Variants in PPIL2 observed in about 807,000 individuals in gnomAD.
PPIL2 encodes RING-type E3 ubiquitin-protein ligase PPIL2.
Under a neutral mutation model 75.2 loss-of-function variants are expected in PPIL2, and 50 were observed. The observed-to-expected ratio is 0.66, with a 90% CI of 0.53 to 0.84. The LOEUF (loss-of-function observed/expected upper bound fraction) is 0.84. Ranked by LOEUF, PPIL2 falls within the 40% of genes least tolerant of loss-of-function variation. PPIL2 has a pLI of 0.00. For missense variants in PPIL2, 590 were observed against 685.0 expected (o/e 0.86, Z 1.55); for synonymous variants, 245 against 258.8 (o/e 0.95, Z 0.51).
intron 10 of PPIL2, among the ~76,000 whole-genome samples, chr22:21,686,269 T>C (rs146509030): frequency 5.9e-5 from 9 of 152,328 alleles, no homozygotes; most frequent in African/African-American, 2.2e-4. Flanking sequence ...CCTGATATCA[T>C]AAGAGTCGGG....
rs985768154 is a variant in PPIL2, at chr22:21,694,639, A to G, written c.1243A>G (p.Ser415Gly). Residue 415 changes from serine to glycine, a missense_variant, in exon 17 of 20, where the codon AGT becomes GGT. Transcript: ENST00000398831. ...DVLTAMENVE[S>G]DPKTDRPKEE... ...ACTGACAGCCATGGAGAATGTGGAG[A>G]GTGACCCCAAAACTGACCGCCCTAA... 3 of 1,613,982 alleles carry G rather than the reference A, an allele frequency of 1.9e-6. No homozygotes were observed. Among genetic ancestry groups the G allele is most frequent in the African/African-American group, 2.7e-5 (2 of 74,936 alleles).
chr22:21,669,476 TG>T (rs2066540572), intron 1 of PPIL2: 1 of 386,988 alleles, frequency 2.6e-6, no homozygotes, highest in Non-Finnish European at 5.2e-6. Flanking sequence ...TATCACTGTG[TG>T]GCTGACATAT....
rs79237378 is a variant in PPIL2 at position 21,689,826 on chromosome 22, A to T, written c.1139+977A>T. 7.1e-3 allele frequency among the ~76,000 whole-genome samples: 1,077 copies of T among 152,292 alleles called. 9 individuals are homozygous for T. Among genetic ancestry groups the T allele is most frequent in the African/African-American group, 0.025 (1,022 of 41,546 alleles). The stretch of plus-strand genomic sequence containing the variant: ...ACTTTTTAGAGGTTTCTTTGTTAGC[A>T]TCTACTATGATGATTCTGTCCTTTT... On this transcript the variant is annotated intron_variant, in intron 15 of 19. Transcript: ENST00000398831.
At chr22:21,668,911 CTG>C (rs1010432047) in intron 1 of PPIL2, among the ~76,000 whole-genome samples, 1 of 151,768 alleles carries the variant, frequency 6.6e-6, no homozygotes, top group Non-Finnish European at 1.5e-5. Context: ...CGGGGTTTCA[CTG>C]TGTTAGCCAG....
At chr22:21,694,057 T>G (rs1251632879) in intron 16 of PPIL2, among the ~76,000 whole-genome samples, 185 bp downstream of exon 16, 1 of 152,096 alleles carries the variant, frequency 6.6e-6, no homozygotes, top group Non-Finnish European at 1.5e-5. Context: ...GAAGTCTGGC[T>G]CTCTAGACCC....
chr22:21,696,115 C>G lies in PPIL2; in HGVS notation c.*625C>G. On this transcript the variant is annotated 3_prime_UTR_variant, in exon 20 of 20. Transcript: ENST00000398831. ...TTTTCAGACCCCAGACTTACTGAGCCTAAGCCTCTGCAGGGTGGGCTTCTC... is the reference window on the plus strand; with the variant it reads ...TTTTCAGACCCCAGACTTACTGAGCGTAAGCCTCTGCAGGGTGGGCTTCTC... 1 of 990,194 alleles carries G rather than the reference C, an allele frequency of 1.0e-6. No individual in the cohort carries two copies. Among genetic ancestry groups the G allele is most frequent in the South Asian group, 4.4e-5 (1 of 22,830 alleles). The allele number at this position is 990,194 out of a possible 1,614,324, so 61.3% of individuals were successfully genotyped here. A position where few individuals can be genotyped will look rare whatever the true frequency, so the allele number is the denominator to read the frequency against.
At chr22:21,667,910 G>A (rs998450743) in intron 1 of PPIL2, among the ~76,000 whole-genome samples, 3 of 151,348 alleles carry the variant, frequency 2.0e-5, no homozygotes, top group Non-Finnish European at 4.4e-5. Context: ...CCAGTAGCTG[G>A]GATTATAGGT....
chr22:21,687,033 A>C, intron 12 of PPIL2, 35 bp downstream of exon 12: 2 of 1,566,710 alleles, frequency 1.3e-6, no homozygotes, highest in East Asian at 2.2e-5. Flanking sequence ...CCATGCCCCA[A>C]GGTCATCTCT....
chr22:21,685,049 G>A (rs1189968568), intron 10 of PPIL2, 136 bp downstream of exon 10: 2 of 1,246,588 alleles, frequency 1.6e-6, no homozygotes, highest in Non-Finnish European at 2.2e-6. Context: ...ATCCCCCAGA[G>A]CTGTGGTGCC....
chr22:21,694,211 C>T (rs76990693), intron 16 of PPIL2, among the ~76,000 whole-genome samples: 1,544 of 152,242 alleles, frequency 0.01, 22 homozygotes, highest in African/African-American at 0.036. Flanking sequence ...TTGTGGGCCA[C>T]GTGGTCTCTG....
intron 6 of PPIL2, among the ~76,000 whole-genome samples, chr22:21,679,284 C>G (rs1044297281): frequency 6.6e-6 from 1 of 151,842 alleles, no homozygotes; most frequent in Non-Finnish European, 1.5e-5. Flanking sequence ...TCAAGTGATC[C>G]TCCCGCGTCA....
chr22:21,687,546 A>T, intron 12 of PPIL2, 97 bp from the exon 13 acceptor site: 2 of 680,512 alleles, frequency 2.9e-6, no homozygotes, highest in South Asian at 1.8e-5. Flanking sequence ...GCAAGACTCC[A>T]CCTCAAAAAA....
chr22:21,685,825 G>A (rs1440563652), intron 10 of PPIL2: 2 of 356,534 alleles, frequency 5.6e-6, no homozygotes, highest in Middle Eastern at 3.8e-4. Flanking sequence ...GCTTTTCCCC[G>A]ACCCCTGATT....
intron 5 of PPIL2, among the ~76,000 whole-genome samples, chr22:21,674,318 C>T (rs1203449925): frequency 6.6e-6 from 1 of 152,170 alleles, no homozygotes; most frequent in Non-Finnish European, 1.5e-5. Flanking sequence ...AGCTGTACTG[C>T]AGACACACCA....
intron 6 of PPIL2, among the ~76,000 whole-genome samples, chr22:21,677,532 C>T (rs1479822706): frequency 6.6e-6 from 1 of 152,184 alleles, no homozygotes; most frequent in African/African-American, 2.4e-5. Context: ...CCGTCTCCAC[C>T]CAAAAAATAC....
At chr22:21,670,055 G>C (rs2066571912) in intron 2 of PPIL2, 93 bp downstream of exon 2, 1 of 1,323,164 alleles carries the variant, frequency 7.6e-7, no homozygotes, top group African/African-American at 1.4e-5. Flanking sequence ...TAGACAACAA[G>C]AACACGGAAA....
At chr22:21,666,816 A>G (rs922791978) in intron 1 of PPIL2, among the ~76,000 whole-genome samples, 1 of 152,122 alleles carries the variant, frequency 6.6e-6, no homozygotes, top group African/African-American at 2.4e-5. Context: ...CTCAAAAATA[A>G]TAAATAAAAT....
rs2148487808 is a variant in PPIL2, at chr22:21,666,032, G to C, written c.-68G>C. ...CCGGAAGTGGTCACGGAACTCGGCT[G>C]CGGCTCCATGGTCTGAGTTGTCAGC... On this transcript the variant is annotated 5_prime_UTR_variant, in exon 1 of 20. Coordinates refer to ENST00000398831, the MANE Select transcript of PPIL2 (RefSeq NM_014337.4). 7 of 1,565,032 alleles carry C rather than the reference G, an allele frequency of 4.5e-6. No individual in the cohort carries two copies. Among genetic ancestry groups the C allele is most frequent in the Non-Finnish European group, 6.1e-6 (7 of 1,148,602 alleles).
rs944930292 is a variant in PPIL2 at position 21,696,988 on chromosome 22, C to T, written c.*1498C>T. On this transcript the variant is annotated 3_prime_UTR_variant, in exon 20 of 20. Coordinates refer to ENST00000398831, the MANE Select transcript of PPIL2 (RefSeq NM_014337.4). ...AGAACAAGAACTGCGCCATGGCTGG[C>T]TCCTTCTCTTCTCCAGCCCATCCCT... 1 of 1,552,562 alleles carries T rather than the reference C, an allele frequency of 6.4e-7. No homozygotes were observed. The highest frequency in any genetic ancestry group is 8.7e-7 in the Non-Finnish European group (1 of 1,148,322).
Sources: allele counts gnomAD v4.1 joint callset (sites outside exome capture counted in the v4.1 genomes callset), GRCh38; gene constraint gnomAD v4.1.1; transcripts MANE v1.5; gene names NCBI Gene and HGNC (gene_info 2026-07-23, HGNC 2026-07-21).